DNAAF9: variants seen among roughly 807,000 people sequenced by gnomAD.
The protein encoded by DNAAF9 is dynein axonemal assembly factor 9.
Under a neutral mutation model 167.0 loss-of-function variants are expected in DNAAF9, and 90 were observed. That is an observed-to-expected ratio of 0.54 (90% CI 0.45 to 0.64). The LOEUF (loss-of-function observed/expected upper bound fraction) is 0.64. Among genes scored for constraint, DNAAF9 ranks in the 30% least tolerant of loss-of-function variants. The pLI is 0.00. For synonymous variants in DNAAF9, 491 were observed against 508.8 expected, an observed-to-expected ratio of 0.96 and a Z score of 0.47; for missense variants, 1,315 against 1,442.2, an observed-to-expected ratio of 0.91 and a Z score of 1.43.
Position 3,356,653 on chromosome 20 carries a change from G to A in DNAAF9, c.690+2863C>T, listed in dbSNP as rs1600848521. ...TGAGGTTATTGCTTACAGGTCTGCA[G>A]GCTGGCTATGGCTCAGCTGGACTGT... is the stretch of plus-strand genomic sequence containing the variant. On this transcript the variant is annotated intron_variant, in intron 7 of 36. Transcript: ENST00000252032. Among the ~76,000 whole-genome samples the A allele has an allele frequency of 2.6e-5, 4 of 152,172 alleles. No individual in the cohort carries two copies. In the East Asian group the frequency reaches 5.8e-4, roughly 22 times the overall value.
At chr20:3,344,712 T>A (rs531154810) in intron 8 of DNAAF9, among the ~76,000 whole-genome samples, 21 of 151,594 alleles carry the variant, frequency 1.4e-4, no homozygotes, top group African/African-American at 4.8e-4. Flanking sequence ...GGAAATGAAA[T>A]CATAGAATAA....
chr20:3,394,874 T>C (rs1171777359), intron 1 of DNAAF9, among the ~76,000 whole-genome samples: 1 of 151,850 alleles, frequency 6.6e-6, no homozygotes, highest in Non-Finnish European at 1.5e-5. Context: ...ACAGATTACT[T>C]TTATAGCTGA....
At chr20:3,349,144 C>T (rs1485353311) in intron 7 of DNAAF9, among the ~76,000 whole-genome samples, 1 of 139,364 alleles carries the variant, frequency 7.2e-6, no homozygotes, top group Non-Finnish European at 1.5e-5. Context: ...ACATGAGCCC[C>T]AGGACTTCCA....
chr20:3,326,416 C>T, intron 12 of DNAAF9, 132 bp from the exon 13 acceptor site: 2 of 648,422 alleles, frequency 3.1e-6, no homozygotes, highest in Admixed American at 2.8e-5. Flanking sequence ...ATATAACCCA[C>T]TGATTTCTAA....
rs1555801904 is a variant in DNAAF9, at chr20:3,407,641, G to A, written c.-84C>T. On this transcript the variant is annotated 5_prime_UTR_variant, in exon 1 of 37. Coordinates refer to ENST00000252032, the MANE Select transcript of DNAAF9 (RefSeq NM_001009984.3). The stretch of plus-strand genomic sequence containing the variant: ...GCAGGGCGGCTCCACGCTAGCTGCG[G>A]CCGGGCGGGGCGGCAGGGCGTGCCG... The A allele has an allele frequency of 1.7e-6, 2 of 1,156,120 alleles. No individual in the cohort carries two copies. The highest frequency in any genetic ancestry group is 2.1e-6 in the Non-Finnish European group (2 of 939,564). 71.6% of individuals were successfully genotyped at this position (1,156,120 alleles called of 1,614,324 possible). A position where few individuals can be genotyped will look rare whatever the true frequency, so the allele number is the denominator to read the frequency against.
At chr20:3,311,864 C>T (rs1429762906) in intron 20 of DNAAF9, among the ~76,000 whole-genome samples, 2 of 152,010 alleles carry the variant, frequency 1.3e-5, no homozygotes, top group African/African-American at 2.4e-5. Context: ...ATGAAGGACA[C>T]GAATGAATGG....
At chr20:3,361,369 AG>A (rs147178667) in intron 6 of DNAAF9, among the ~76,000 whole-genome samples, 9,419 of 152,160 alleles carry the variant, frequency 0.062, 367 homozygotes, top group Non-Finnish European at 0.082. Flanking sequence ...GACTTAAACC[AG>A]GGGTGCAGGC....
At chr20:3,394,279 G>A (rs533622436) in intron 1 of DNAAF9, among the ~76,000 whole-genome samples, 3 of 151,494 alleles carry the variant, frequency 2.0e-5, no homozygotes, top group African/African-American at 2.4e-5. Context: ...CGGAGGTTGC[G>A]GTGAGCTGAG....
At chr20:3,319,262 CAAAAAAAAAAAA>C (rs57727958) in intron 16 of DNAAF9, among the ~76,000 whole-genome samples, 6 of 41,560 alleles carry the variant, frequency 1.4e-4, no homozygotes, top group African/African-American at 3.3e-4. Context: ...GACCCCGTCT[CAAAAAAAAAAAA>C]AAAAAAAAAA....
intron 7 of DNAAF9, among the ~76,000 whole-genome samples, chr20:3,352,268 C>G (rs770431547): frequency 2.6e-5 from 4 of 152,122 alleles, no homozygotes; most frequent in Non-Finnish European, 5.9e-5. Context: ...GCCATACCAC[C>G]TCTGTGCCTC....
intron 20 of DNAAF9, among the ~76,000 whole-genome samples, chr20:3,308,564 G>C (rs369384436): frequency 6.6e-6 from 1 of 151,800 alleles, no homozygotes; most frequent in Admixed American, 6.6e-5. Flanking sequence ...GGCTAGTCTC[G>C]AACTCCTGAC....
At chr20:3,382,539 G>A (rs761530434) in intron 1 of DNAAF9, 33 bp from the exon 2 acceptor site, 22 of 1,547,178 alleles carry the variant, frequency 1.4e-5, no homozygotes, top group Non-Finnish European at 2.0e-5. Flanking sequence ...TCCCCTGAGT[G>A]CCAGGACAGC....
At chr20:3,301,448 A>G (rs983012881) in intron 21 of DNAAF9, among the ~76,000 whole-genome samples, 3 of 152,276 alleles carry the variant, frequency 2.0e-5, no homozygotes, top group East Asian at 1.9e-4. Flanking sequence ...TTGGCCTCCC[A>G]AAGTGCTAGG....
rs770408148 is a variant in DNAAF9 at position 3,359,546 on chromosome 20, A to C, written c.660T>G (p.Asp220Glu). The C allele has an allele frequency of 1.9e-6, 3 of 1,612,368 alleles. No individual in the cohort carries two copies. The highest frequency in any genetic ancestry group is 2.5e-6 in the Non-Finnish European group (3 of 1,179,420). Residue 220 changes from aspartate (D) to glutamate (E), a missense_variant, in exon 7 of 37, where the codon GAT becomes GAG. Transcript: ENST00000252032. ...AAAGCAAACTCTCCAGAGACATAGG[A>C]TCCATCTTGCTGTAGACATTCCATA... ...LNLWNVYSKM[D>E]PMSLESLLSD...
At chr20:3,319,259 T>C (rs1161976959) in intron 16 of DNAAF9, among the ~76,000 whole-genome samples, 4 of 35,818 alleles carry the variant, frequency 1.1e-4, no homozygotes, top group African/African-American at 4.5e-4. Context: ...CGAGACCCCG[T>C]CTCAAAAAAA....
rs1491384105 is a variant in DNAAF9 at position 3,350,140 on chromosome 20, G to GACAC, written c.691-1521_691-1518dup. On this transcript the variant is annotated intron_variant, in intron 7 of 36. Coordinates refer to ENST00000252032, the MANE Select transcript of DNAAF9 (RefSeq NM_001009984.3). ...AGACTATCAGACACACAGACACACA[G>GACAC]ACACACAGACACACAGACACACACA... Among the ~76,000 whole-genome samples, 1,082 of 115,528 alleles carry GACAC rather than the reference G, an allele frequency of 9.4e-3. 9 individuals carry two copies. The highest frequency in any genetic ancestry group is 0.039 in the East Asian group (161 of 4,152). The allele number at this position is 115,528 out of a possible 152,430, so 75.8% of individuals were successfully genotyped here.
intron 7 of DNAAF9, among the ~76,000 whole-genome samples, chr20:3,355,984 T>C (rs1365766225): frequency 6.6e-6 from 1 of 152,218 alleles, no homozygotes; most frequent in Non-Finnish European, 1.5e-5. Flanking sequence ...TGTCTGGTTT[T>C]AGTTCATCAC....
At chr20:3,297,899 C>A (rs75795604) in intron 22 of DNAAF9, 130 bp downstream of exon 22, 2 of 735,374 alleles carry the variant, frequency 2.7e-6, no homozygotes, top group African/African-American at 3.5e-5. Flanking sequence ...GCAGTCACCC[C>A]ACACCATCCA....
At chr20:3,379,930 T>C (rs1437962527) in intron 3 of DNAAF9, among the ~76,000 whole-genome samples, 1 of 152,122 alleles carries the variant, frequency 6.6e-6, no homozygotes, top group African/African-American at 2.4e-5. Flanking sequence ...TGGTGGTGCA[T>C]GCCTGTAATC....
Sources: gnomAD v4.1 joint callset for allele counts (sites outside exome capture counted in the v4.1 genomes callset) on GRCh38, gnomAD v4.1.1 for gene constraint, MANE v1.5 for transcripts, NCBI Gene and HGNC (gene_info 2026-07-23, HGNC 2026-07-21) for gene names.